Variants in ARL10 observed in about 807,000 individuals in gnomAD.
The protein encoded by ARL10 is ADP-ribosylation factor-like protein 10.
ARL10 carries 23 observed loss-of-function variants against 26.1 expected under a neutral mutation model. The observed-to-expected ratio is 0.88, with a 90% CI of 0.63 to 1.25. The LOEUF (loss-of-function observed/expected upper bound fraction) is 1.25, where lower values mean the gene tolerates loss of function less well. Among genes scored for constraint, ARL10 ranks in the 50% most tolerant of loss-of-function variants. The pLI is 0.00. For missense variants in ARL10, 300 were observed against 323.6 expected (o/e 0.93, Z 0.56); for synonymous variants, 138 against 149.1 (o/e 0.93, Z 0.54).
chr5:176,375,182 AT>A lies in ARL10; in HGVS notation c.*3288del, dbSNP rs1768656454. The A allele has an allele frequency of 2.1e-5, 1 of 48,566 alleles. No homozygotes were observed. The highest frequency in any genetic ancestry group is 3.8e-5 in the Non-Finnish European group (1 of 26,010). 3.0% of individuals were successfully genotyped at this position (48,566 alleles called of 1,614,324 possible). A position where few individuals can be genotyped will look rare whatever the true frequency, so the allele number is the denominator to read the frequency against. ...CATCCATCCACCCACCCACCCACCC[AT>A]CCACCCATCCATCCATCCATCCACT... On this transcript the variant is annotated 3_prime_UTR_variant, in exon 4 of 4. Transcript: ENST00000310389.
chr5:176,392,050 C>T (rs976064092), downstream of ARL10, among the ~76,000 whole-genome samples: 3 of 152,156 alleles, frequency 2.0e-5, no homozygotes, highest in Admixed American at 6.5e-5. The surrounding 1 kb of genome is among the most constrained non-coding windows in gnomAD (Gnocchi z 5.2). Flanking sequence ...AAGGAGGAAG[C>T]GAAATACACA....
intron 1 of ARL10, among the ~76,000 whole-genome samples, chr5:176,394,738 C>T (rs1212043706): frequency 6.6e-6 from 1 of 152,070 alleles, no homozygotes; most frequent in Non-Finnish European, 1.5e-5. Context: ...TTGCTTGAGC[C>T]CAGGAGGCGG....
downstream of ARL10, chr5:176,389,675 T>C (rs1561787447): frequency 1.7e-5 from 10 of 585,384 alleles, no homozygotes; most frequent in Non-Finnish European, 2.6e-5. Flanking sequence ...CTAGATGCTG[T>C]TGTTTGAATG....
rs767026413 is a variant in ARL10, at chr5:176,365,598, C to T, written c.35C>T (p.Ala12Val). The T allele has an allele frequency of 1.6e-6, 2 of 1,251,778 alleles. No homozygotes were observed. The highest frequency in any genetic ancestry group is 3.1e-5 in the East Asian group (1 of 31,830). The allele number at this position is 1,251,778 out of a possible 1,614,324, so 77.5% of individuals were successfully genotyped here. A position where few individuals can be genotyped will look rare whatever the true frequency, so the allele number is the denominator to read the frequency against. Residue 12 changes from alanine to valine, a missense_variant, in exon 1 of 4, where the codon GCG becomes GTG. Coordinates refer to ENST00000310389, the MANE Select transcript of ARL10 (RefSeq NM_173664.6). ...CGGCCGCTGGGCCCCTTGGTGCTGG[C>T]GCTGGGCGGCGCCGCGGCGGTGCTG... Reference protein sequence around the residue: ...APRPLGPLVLALGGAAAVLGS... With the variant: ...APRPLGPLVLVLGGAAAVLGS...
intron 1 of ARL10, among the ~76,000 whole-genome samples, chr5:176,399,500 G>A (rs535054751): frequency 9.8e-5 from 15 of 152,300 alleles, no homozygotes; most frequent in African/African-American, 3.1e-4. Flanking sequence ...CCAGCACTTC[G>A]GGAGGCCAAG....
rs1755506298 is a variant in ARL10, at chr5:176,379,768, A to G, written c.*7873A>G. 1 of 152,252 alleles carries G rather than the reference A, an allele frequency of 6.6e-6. No homozygotes were observed. 9.4% of individuals were successfully genotyped at this position (152,252 alleles called of 1,614,324 possible). A position where few individuals can be genotyped will look rare whatever the true frequency, so the allele number is the denominator to read the frequency against. Reference sequence around the variant, plus strand: ...GAAAAGCCCTAGGGATTGAATTTAAAAGATCTTCAGCAATTCTTCCAGTTC... The same window carrying G: ...GAAAAGCCCTAGGGATTGAATTTAAGAGATCTTCAGCAATTCTTCCAGTTC... On this transcript the variant is annotated 3_prime_UTR_variant, in exon 4 of 4. Transcript: ENST00000310389.
At chr5:176,389,308 C>T, downstream of ARL10, 1 of 1,602,008 alleles carries the variant, frequency 6.2e-7, no homozygotes, top group Non-Finnish European at 8.5e-7. Flanking sequence ...TGCTGTTTCC[C>T]AGTTGCTTTG....
the ARL10 span, among the ~76,000 whole-genome samples, chr5:176,409,710 G>A: frequency 3.3e-5 from 5 of 151,860 alleles, no homozygotes; most frequent in South Asian, 2.1e-4. Flanking sequence ...CACTGCACCC[G>A]GCCCTGATTG....
At chr5:176,382,680 G>A (rs1462372419), downstream of ARL10, among the ~76,000 whole-genome samples, 2 of 152,260 alleles carry the variant, frequency 1.3e-5, no homozygotes, top group South Asian at 4.2e-4. Flanking sequence ...CACTTGGGCC[G>A]GGAGGTTGAG....
downstream of ARL10, among the ~76,000 whole-genome samples, chr5:176,390,744 G>A (rs1756240798): frequency 6.6e-6 from 1 of 152,186 alleles, no homozygotes; most frequent in African/African-American, 2.4e-5. Flanking sequence ...ACCACGCCCA[G>A]CCTAGACCAT....
In ARL10 at chr5:176,397,810, A is replaced by G. The variant is rs1454269143; in HGVS notation, c.134-3931A>G. 1.1e-5 allele frequency: 17 copies of G among 1,485,182 alleles called. No individual in the cohort carries two copies. In the South Asian group the frequency reaches 1.6e-4, roughly 14 times the overall value. The allele number at this position is 1,485,182 out of a possible 1,614,324, so 92.0% of individuals were successfully genotyped here. Reference sequence around the variant, plus strand: ...CCCCTGGCCCCTGCCAGGCAGCCACAGGGCCGCACCGGCCCAGTCCCACAT... The same window carrying G: ...CCCCTGGCCCCTGCCAGGCAGCCACGGGGCCGCACCGGCCCAGTCCCACAT... On this transcript the variant is annotated intron_variant, in intron 1 of 1. Coordinates refer to the ARL10 transcript ENST00000514533.
At chr5:176,383,433 C>T (rs1210493642), downstream of ARL10, among the ~76,000 whole-genome samples, 1 of 152,266 alleles carries the variant, frequency 6.6e-6, no homozygotes, top group Non-Finnish European at 1.5e-5. Context: ...GCAAGCCTGG[C>T]CCCAAAGGAT....
At chr5:176,389,580 CCCT>C (rs1756177394), downstream of ARL10, 1 of 1,416,364 alleles carries the variant, frequency 7.1e-7, no homozygotes, top group Non-Finnish European at 9.6e-7. Flanking sequence ...GGGACTTACT[CCCT>C]CCTCTCCTTT....
rs1768645726 is a variant in ARL10, at chr5:176,375,082, A to ATCCATCCATCCATCCATCCATCCC, written c.*3210_*3211insCTCCATCCATCCATCCATCCATCC. 1.4e-5 allele frequency: 2 copies of ATCCATCCATCCATCCATCCATCCC among 147,122 alleles called. No homozygotes were observed. Among genetic ancestry groups the ATCCATCCATCCATCCATCCATCCC allele is most frequent in the East Asian group, 4.1e-4 (2 of 4,926 alleles). The allele number at this position is 147,122 out of a possible 1,614,324, so 9.1% of individuals were successfully genotyped here. A position where few individuals can be genotyped will look rare whatever the true frequency, so the allele number is the denominator to read the frequency against. ...TTGTTGAACACAGGTGGCCTCATCCATCCATCCATCCATCCATCCATCCAT... is the reference window on the plus strand; with the variant it reads ...TTGTTGAACACAGGTGGCCTCATCCATCCATCCATCCATCCATCCATCCCTCCATCCATCCATCCATCCATCCAT... On this transcript the variant is annotated 3_prime_UTR_variant, in exon 4 of 4. Coordinates refer to ENST00000310389, the MANE Select transcript of ARL10 (RefSeq NM_173664.6).
chr5:176,398,196 C>T, intron 1 of ARL10: 1 of 684,890 alleles, frequency 1.5e-6, no homozygotes, highest in Non-Finnish European at 2.6e-6. Flanking sequence ...TATCTTTGCA[C>T]TTGCTGTTCC....
chr5:176,406,403 C>T (rs1395122873), downstream of ARL10: 4 of 1,151,644 alleles, frequency 3.5e-6, no homozygotes, highest in East Asian at 2.2e-4. Flanking sequence ...GGACCCACAC[C>T]AGCCAAGCGT....
intron 1 of ARL10, among the ~76,000 whole-genome samples, chr5:176,400,358 A>G (rs1756759353): frequency 6.6e-6 from 1 of 152,176 alleles, no homozygotes; most frequent in Admixed American, 6.5e-5. Flanking sequence ...TACTACTATT[A>G]TTATTCATTC....
chr5:176,386,754 T>C, downstream of ARL10: 1 of 1,176,642 alleles, frequency 8.5e-7, no homozygotes, highest in Non-Finnish European at 1.3e-6. Flanking sequence ...GGTTTCTCCA[T>C]CTGCAAAATG....
In ARL10 at chr5:176,371,742, T is replaced by C. The variant is rs987587348; in HGVS notation, c.582T>C (p.Ser194=). ...ANKQDLSEAM[S]MGELQRELGL... The stretch of plus-strand genomic sequence containing the variant: ...CCCAGGACCTGAGCGAGGCCATGAG[T>C]ATGGGGGAGCTGCAGCGGGAGCTGG... Residue 194 remains serine (S), a synonymous_variant, in exon 4 of 4, where the codon AGT becomes AGC. Coordinates refer to ENST00000310389, the MANE Select transcript of ARL10 (RefSeq NM_173664.6). 4 of 1,614,094 alleles carry C rather than the reference T, an allele frequency of 2.5e-6. No homozygotes were observed. The Admixed American group carries it at 6.7e-5, about 27-fold the overall frequency.
Sources: allele counts gnomAD v4.1 joint callset (sites outside exome capture counted in the v4.1 genomes callset), GRCh38; gene constraint gnomAD v4.1.1; non-coding constraint Gnocchi (gnomAD v3.1); transcripts MANE v1.5; gene names NCBI Gene and HGNC (gene_info 2026-07-23, HGNC 2026-07-21).